Variants in GNAI3 observed in about 807,000 individuals in gnomAD.
The protein encoded by GNAI3 is G protein subunit alpha i3, also known as guanine nucleotide-binding protein G(i) subunit alpha-3.
Under a neutral mutation model 41.8 loss-of-function variants are expected in GNAI3, and 12 were observed. The observed-to-expected ratio is 0.29, with a 90% CI of 0.18 to 0.47. GNAI3 has a LOEUF of 0.47. GNAI3 is among the 20% of genes least tolerant of loss of function. The pLI is 1.00. For synonymous variants in GNAI3, 132 were observed against 146.5 expected, an observed-to-expected ratio of 0.90 and a Z score of 0.71; for missense variants, 360 against 429.6, an observed-to-expected ratio of 0.84 and a Z score of 1.43.
chr1:109,556,165 T>C (rs1480621089), intron 1 of GNAI3, among the ~76,000 whole-genome samples: 1 of 151,820 alleles, frequency 6.6e-6, no homozygotes, highest in African/African-American at 2.4e-5. Context: ...GATCCTCCCA[T>C]CTCGGCCTCC....
chr1:109,573,699 T>G (rs371423092), intron 1 of GNAI3, 38 bp from the exon 2 acceptor site: 2 of 1,508,180 alleles, frequency 1.3e-6, no homozygotes, highest in South Asian at 2.3e-5. Context: ...TTATGTTGAT[T>G]ACCGAGAAAT....
intron 1 of GNAI3, among the ~76,000 whole-genome samples, chr1:109,551,904 G>A (rs1383892400): frequency 6.6e-6 from 1 of 152,174 alleles, no homozygotes; most frequent in Non-Finnish European, 1.5e-5. Flanking sequence ...GCTCCTGGCT[G>A]TAATCCCATC....
chr1:109,588,120 C>T (rs1257390867), intron 7 of GNAI3, among the ~76,000 whole-genome samples: 2 of 152,092 alleles, frequency 1.3e-5, no homozygotes, highest in African/African-American at 4.8e-5. Flanking sequence ...GTGGCTCACG[C>T]CTGTAATCCC....
At chr1:109,573,824 TGC>T (rs778009092) in intron 2 of GNAI3, 45 bp downstream of exon 2, 107 of 1,590,864 alleles carry the variant, frequency 6.7e-5, no homozygotes, top group Middle Eastern at 5.0e-4. Flanking sequence ...TTTCTCCTAA[TGC>T]ATATAAAGTC....
chr1:109,566,434 AT>A (rs958854741), intron 1 of GNAI3, among the ~76,000 whole-genome samples: 2 of 152,002 alleles, frequency 1.3e-5, no homozygotes, highest in African/African-American at 2.4e-5. Flanking sequence ...TTGAAAAAAA[AT>A]TTTTTTATTT....
chr1:109,580,078 T>C lies in GNAI3; in HGVS notation c.461+717T>C, dbSNP rs138191855. Reference sequence around the variant, plus strand: ...GTGCAGTGGCTCCATCTCCGCTCACTGCAAGCTCCACCTCCCAGGTTCACA... The same window carrying C: ...GTGCAGTGGCTCCATCTCCGCTCACCGCAAGCTCCACCTCCCAGGTTCACA... On this transcript the variant is annotated intron_variant, in intron 4 of 8. Transcript: ENST00000369851. 5.2e-3 allele frequency among the ~76,000 whole-genome samples: 785 copies of C among 152,348 alleles called. 14 individuals are homozygous for C. Among genetic ancestry groups the C allele is most frequent in the African/African-American group, 0.018 (760 of 41,576 alleles).
chr1:109,582,345 A>G, intron 4 of GNAI3, 92 bp from the exon 5 acceptor site: 1 of 904,230 alleles, frequency 1.1e-6, no homozygotes, highest in Non-Finnish European at 1.7e-6. Context: ...AATAACTAGT[A>G]ACAGGTTTAA....
intron 7 of GNAI3, among the ~76,000 whole-genome samples, chr1:109,590,611 T>C (rs1325518484): frequency 1.3e-5 from 2 of 151,952 alleles, no homozygotes; most frequent in African/African-American, 4.8e-5. Flanking sequence ...TGTCTTGCTC[T>C]GTCTCCCAGA....
chr1:109,578,968 A>G (rs1648823117), intron 3 of GNAI3, among the ~76,000 whole-genome samples: 1 of 152,040 alleles, frequency 6.6e-6, no homozygotes, highest in South Asian at 2.1e-4. Context: ...TGGTGTGTGG[A>G]GGAGTGGTGG....
rs1325253873 is a variant in GNAI3, at chr1:109,599,597, G to A, written c.*7275G>A. The A allele has an allele frequency of 4.6e-5, 7 of 152,160 alleles. No homozygotes were observed. In the East Asian group the frequency reaches 1.2e-3, roughly 25 times the overall value. 9.4% of individuals were successfully genotyped at this position (152,160 alleles called of 1,614,324 possible). Reference sequence around the variant, plus strand: ...TTACATTTGATTTACTGTTAGTAATGTCTCTTTAATCATGCTATGCTAGGG... The same window carrying A: ...TTACATTTGATTTACTGTTAGTAATATCTCTTTAATCATGCTATGCTAGGG... On this transcript the variant is annotated 3_prime_UTR_variant, in exon 9 of 9. Transcript: ENST00000369851.
chr1:109,567,346 C>G (rs1648483668), intron 1 of GNAI3, among the ~76,000 whole-genome samples: 1 of 151,944 alleles, frequency 6.6e-6, no homozygotes, highest in African/African-American at 2.4e-5. Context: ...TTTCAGGTAC[C>G]CCTGGAATAA....
rs751190466 is a variant in GNAI3, at chr1:109,548,617, C to T, written c.-104C>T. The T allele has an allele frequency of 6.9e-6, 5 of 726,980 alleles. No individual in the cohort carries two copies. Among genetic ancestry groups the T allele is most frequent in the East Asian group, 2.7e-5 (1 of 37,558 alleles). The allele number at this position is 726,980 out of a possible 1,614,324, so 45.0% of individuals were successfully genotyped here. On this transcript the variant is annotated 5_prime_UTR_variant, in exon 1 of 9. In the 5' UTR this introduces an upstream ATG that the reference lacks. Coordinates refer to ENST00000369851, the MANE Select transcript of GNAI3 (RefSeq NM_006496.4). ...TTCTTCTGGGCGCTAAGGGAGCTGA[C>T]GGAGAGGGCCACCGCCCAGCAATAG...
chr1:109,564,261 C>A lies in GNAI3; in HGVS notation c.119-9476C>A, dbSNP rs1648392202. On this transcript the variant is annotated intron_variant, in intron 1 of 8. Transcript: ENST00000369851. ...CTCTTGCTGGCTTCACTATTTCTGC[C>A]TTTATTTTATTTATTTATTTTTTTT... 2.6e-5 allele frequency among the ~76,000 whole-genome samples: 4 copies of A among 152,006 alleles called. No individual in the cohort carries two copies. The South Asian group carries it at 8.3e-4, about 32-fold the overall frequency.
In GNAI3 at chr1:109,592,649, T is replaced by C. The variant is rs72987047; in HGVS notation, c.*327T>C. The C allele has an allele frequency of 0.055, 8,535 of 154,022 alleles. 784 individuals are homozygous for C. The highest frequency in any genetic ancestry group is 0.19 in the African/African-American group (7,979 of 41,498). 9.5% of individuals were successfully genotyped at this position (154,022 alleles called of 1,614,324 possible). A position where few individuals can be genotyped will look rare whatever the true frequency, so the allele number is the denominator to read the frequency against. Reference sequence around the variant, plus strand: ...TTCAATATGTAGCTTACTCTTTTTTTCCCCCCTTCTTAAACCACCAGTGGT... The same window carrying C: ...TTCAATATGTAGCTTACTCTTTTTTCCCCCCCTTCTTAAACCACCAGTGGT... On this transcript the variant is annotated 3_prime_UTR_variant, in exon 9 of 9. Transcript: ENST00000369851.
intron 3 of GNAI3, 150 bp from the exon 4 acceptor site, chr1:109,579,054 T>C (rs1321469103): frequency 1.6e-6 from 1 of 611,518 alleles, no homozygotes; most frequent in Non-Finnish European, 2.8e-6. Context: ...GACTTAATTA[T>C]AAATTCTGTC....
At chr1:109,558,069 C>A (rs17023446) in intron 1 of GNAI3, among the ~76,000 whole-genome samples, 2 of 152,046 alleles carry the variant, frequency 1.3e-5, no homozygotes, top group African/African-American at 4.8e-5. Flanking sequence ...TTCATGAGAA[C>A]GTGCCTGCTC....
At chr1:109,564,982 G>T (rs1648412064) in intron 1 of GNAI3, among the ~76,000 whole-genome samples, 1 of 152,060 alleles carries the variant, frequency 6.6e-6, no homozygotes, top group Non-Finnish European at 1.5e-5. Flanking sequence ...TTCATTCATA[G>T]CCAGGCGCGG....
At chr1:109,579,418 A>C in intron 4 of GNAI3, 57 bp downstream of exon 4, 6 of 1,248,346 alleles carry the variant, frequency 4.8e-6, no homozygotes, top group Non-Finnish European at 6.9e-6. Flanking sequence ...ACACTACAGA[A>C]ATTTTAGTCC....
At chr1:109,566,189 G>A (rs1648448558) in intron 1 of GNAI3, among the ~76,000 whole-genome samples, 1 of 152,204 alleles carries the variant, frequency 6.6e-6, no homozygotes. Context: ...AGGAGTTGAA[G>A]TCTGAGTTGA....
Sources: gnomAD v4.1 joint callset for allele counts (sites outside exome capture counted in the v4.1 genomes callset) on GRCh38, gnomAD v4.1.1 for gene constraint, MANE v1.5 for transcripts, NCBI Gene and HGNC (gene_info 2026-07-23, HGNC 2026-07-21) for gene names.